Variants in MROH2B observed in about 807,000 individuals in gnomAD.
The protein encoded by MROH2B is maestro heat-like repeat-containing protein family member 2B.
MROH2B carries 177 observed loss-of-function variants against 208.6 expected under a neutral mutation model. That is an observed-to-expected ratio of 0.85 (90% confidence interval 0.75 to 0.96). MROH2B has a LOEUF of 0.96. Among genes scored for constraint, MROH2B ranks in the 40% least tolerant of loss-of-function variants. The probability of loss-of-function intolerance (pLI) is 0.00; values close to 1 mark genes in which losing one functional copy is unlikely to be tolerated. For synonymous variants in MROH2B, 728 were observed against 659.0 expected, an observed-to-expected ratio of 1.10 and a Z score of -1.60; for missense variants, 2,002 against 1,878.7, an observed-to-expected ratio of 1.07 and a Z score of -1.21.
rs368234466 is a variant in MROH2B at position 41,038,771 on chromosome 5, A to G, written c.2179T>C (p.Ser727Pro). 6.2e-7 allele frequency: 1 copy of G among 1,613,276 alleles called. No individual in the cohort carries two copies. Among genetic ancestry groups the G allele is most frequent in the Non-Finnish European group, 8.5e-7 (1 of 1,179,598 alleles). ...TGGCCATGAAGAGACAGGACTTGGGATATGATATCTTGATTAAGTCTGGAG... is the reference window on the plus strand; with the variant it reads ...TGGCCATGAAGAGACAGGACTTGGGGTATGATATCTTGATTAAGTCTGGAG... ...LLSRLNQDII[S>P]QVLSLHGQCS... Residue 727 changes from serine (S) to proline (P), a missense_variant, in exon 21 of 42, where the codon TCC (serine) becomes CCC (proline). Ser to Pro is a moderately conservative substitution (Grantham distance 74). Transcript: ENST00000399564.
At chr5:41,055,125 G>A (rs1412649322) in intron 10 of MROH2B, among the ~76,000 whole-genome samples, 2 of 152,124 alleles carry the variant, frequency 1.3e-5, no homozygotes, top group Non-Finnish European at 2.9e-5. Flanking sequence ...AATATTGTGA[G>A]ACTGCTTCAT....
chr5:41,005,258 A>G, intron 35 of MROH2B: 2 of 535,196 alleles, frequency 3.7e-6, no homozygotes, highest in Non-Finnish European at 3.3e-6. Flanking sequence ...CGTCAGTGCT[A>G]CAATGCTTTG....
intron 24 of MROH2B, among the ~76,000 whole-genome samples, chr5:41,022,146 T>G (rs1185585907): frequency 6.6e-6 from 1 of 152,162 alleles, no homozygotes; most frequent in Non-Finnish European, 1.5e-5. Flanking sequence ...AGGTGATTTC[T>G]GCATTTCCCA....
intron 21 of MROH2B, among the ~76,000 whole-genome samples, chr5:41,035,029 A>G (rs1742709134): frequency 6.6e-6 from 1 of 152,168 alleles, no homozygotes; most frequent in South Asian, 2.1e-4. Context: ...TGCCCAAAGC[A>G]GTTTACAGAT....
At chr5:41,030,420 G>A (rs1031040951) in intron 24 of MROH2B, among the ~76,000 whole-genome samples, 10 of 151,972 alleles carry the variant, frequency 6.6e-5, no homozygotes, top group Admixed American at 2.0e-4. Context: ...AACCAAGGAA[G>A]TGAAGGATCT....
At chr5:41,046,033 T>C (rs979019177) in intron 17 of MROH2B, among the ~76,000 whole-genome samples, 180 bp from the exon 18 acceptor site, 1 of 152,196 alleles carries the variant, frequency 6.6e-6, no homozygotes, top group African/African-American at 2.4e-5. Context: ...AAACATTTTC[T>C]GATATGTTCT....
At chr5:41,054,902 T>C in intron 10 of MROH2B, 62 bp from the exon 11 acceptor site, 7 of 1,201,542 alleles carry the variant, frequency 5.8e-6, no homozygotes, top group African/African-American at 1.5e-5. Context: ...TGTTCTAGGA[T>C]TGATGAAAAG....
intron 21 of MROH2B, among the ~76,000 whole-genome samples, chr5:41,036,249 G>T (rs1017119695): frequency 2.0e-5 from 3 of 152,072 alleles, no homozygotes; most frequent in African/African-American, 7.2e-5. Flanking sequence ...GGAAGTAATT[G>T]AATCCCAGGG....
Position 41,012,678 on chromosome 5 carries a change from C to G in MROH2B, c.3040G>C (p.Asp1014His), listed in dbSNP as rs369668286. The G allele has an allele frequency of 9.8e-5, 158 of 1,613,776 alleles. No homozygotes were observed. Among genetic ancestry groups the G allele is most frequent in the Non-Finnish European group, 1.3e-4 (157 of 1,179,814 alleles). ...GTGGGGTTGAGGCTCTCCAGACCGT[C>G]CAGCATTTCCTCTAGGAACATCAGA... is the stretch of plus-strand genomic sequence containing the variant. ...EILMFLEEML[D>H]GLESLNPTCT... The change falls in exon 30 of 42, where the codon GAC (aspartate) becomes CAC (histidine). Residue 1014 changes from aspartate to histidine, a missense_variant. Transcript: ENST00000399564.
Position 41,032,734 on chromosome 5 carries a change from T to G in MROH2B, c.2441+8A>C. 6.2e-7 allele frequency: 1 copy of G among 1,609,480 alleles called. No homozygotes were observed. Among genetic ancestry groups the G allele is most frequent in the Non-Finnish European group, 8.5e-7 (1 of 1,177,116 alleles). On this transcript the variant is annotated splice_region_variant and intron_variant, in intron 24 of 41. Coordinates refer to ENST00000399564, the MANE Select transcript of MROH2B (RefSeq NM_173489.5). ...CTTTTTCAATGAAAACAACTAAAAA[T>G]TATCTACCTGAGATACCTAATGGCG... is the stretch of plus-strand genomic sequence containing the variant.
chr5:41,060,987 C>A (rs552109406), intron 6 of MROH2B, among the ~76,000 whole-genome samples: 1 of 152,196 alleles, frequency 6.6e-6, no homozygotes, highest in Admixed American at 6.5e-5. Flanking sequence ...AAAACTATAG[C>A]AATTAAGCAA....
Position 41,012,654 on chromosome 5 carries a change from T to C in MROH2B, c.3064A>G (p.Thr1022Ala), listed in dbSNP as rs778601034. Residue 1022 changes from threonine (T) to alanine (A), a missense_variant, in exon 30 of 42, where the codon ACT becomes GCT. Transcript: ENST00000399564. Reference sequence around the variant, plus strand: ...CATATGCCACAGGCCTTTGTACAAGTGGGGTTGAGGCTCTCCAGACCGTCC... The same window carrying C: ...CATATGCCACAGGCCTTTGTACAAGCGGGGTTGAGGCTCTCCAGACCGTCC... ...MLDGLESLNP[T>A]CTKACGIWMI... 1.7e-5 allele frequency: 27 copies of C among 1,613,912 alleles called. No individual in the cohort carries two copies. In the East Asian group the frequency reaches 3.8e-4, roughly 23 times the overall value.
At chr5:41,015,795 G>T (rs999861876) in intron 28 of MROH2B, among the ~76,000 whole-genome samples, 1 of 152,186 alleles carries the variant, frequency 6.6e-6, no homozygotes, top group Non-Finnish European at 1.5e-5. Flanking sequence ...AGGAGAGTCT[G>T]AATTTCAACC....
rs181404160 is a variant in MROH2B at position 41,008,631 on chromosome 5, G to T, written c.3583C>A (p.Gln1195Lys). ...CTGCAGGGGTCTGGGATCTGCTGCT[G>T]TTCTCCCTGCTGCATCACATGCCGC... is the stretch of plus-strand genomic sequence containing the variant. ...HRRHVMQQGE[Q>K]QQIPDPCRLS... The change falls in exon 33 of 42, where the codon CAG becomes AAG. Residue 1195 changes from glutamine to lysine, a missense_variant. Coordinates refer to ENST00000399564, the MANE Select transcript of MROH2B (RefSeq NM_173489.5). 1.2e-6 allele frequency: 2 copies of T among 1,613,758 alleles called. No homozygotes were observed.
intron 39 of MROH2B, 80 bp from the exon 40 acceptor site, chr5:40,999,859 C>A (rs771285304): frequency 1.5e-6 from 2 of 1,320,154 alleles, no homozygotes; most frequent in South Asian, 1.3e-5. Context: ...GTCCTCAGAA[C>A]GGATTTGTAA....
chr5:41,022,491 G>A (rs968026082), intron 24 of MROH2B, among the ~76,000 whole-genome samples: 5 of 152,302 alleles, frequency 3.3e-5, no homozygotes, highest in African/African-American at 9.6e-5. Flanking sequence ...AGGTGGCAGC[G>A]AGGCTGGGGG....
chr5:41,054,147 T>G (rs1356272227), intron 11 of MROH2B, among the ~76,000 whole-genome samples: 3 of 152,074 alleles, frequency 2.0e-5, no homozygotes, highest in African/African-American at 7.2e-5. Flanking sequence ...ACTTGGCTAA[T>G]TTTTGTATTT....
chr5:41,063,871 T>A (rs1237988950), intron 5 of MROH2B, among the ~76,000 whole-genome samples: 1 of 152,226 alleles, frequency 6.6e-6, no homozygotes, highest in Non-Finnish European at 1.5e-5. Context: ...TTCTTCTCTG[T>A]AGGCTCTTGA....
rs1377610283 is a variant in MROH2B, at chr5:41,012,700, C to T, written c.3018G>A (p.Leu1006=). 4 of 1,613,732 alleles carry T rather than the reference C, an allele frequency of 2.5e-6. No homozygotes were observed. In the African/African-American group the frequency reaches 5.3e-5, roughly 22 times the overall value. ...VSKFIPNEEI[L]MFLEEMLDGL... is the part of the protein sequence containing the mutation. ...CGTCCAGCATTTCCTCTAGGAACAT[C>T]AGAATTTCTTCATTTGGGATGAACT... is the stretch of plus-strand genomic sequence containing the variant. Residue 1006 remains leucine, a synonymous_variant, in exon 30 of 42, where the codon CTG becomes CTA. Coordinates refer to ENST00000399564, the MANE Select transcript of MROH2B (RefSeq NM_173489.5).
Sources: allele counts gnomAD v4.1 joint callset (sites outside exome capture counted in the v4.1 genomes callset), GRCh38; gene constraint gnomAD v4.1.1; transcripts MANE v1.5; gene names NCBI Gene and HGNC (gene_info 2026-07-23, HGNC 2026-07-21).